The following SLC4A4 variants were observed in gnomAD, a reference collection of about 807,000 sequenced individuals.
SLC4A4 encodes electrogenic sodium bicarbonate cotransporter 1.
Under a neutral mutation model 111.5 loss-of-function variants are expected in SLC4A4, and 27 were observed. The ratio of observed to expected loss-of-function variants is 0.24; its 90% confidence interval spans 0.18 to 0.33. The LOEUF (loss-of-function observed/expected upper bound fraction) is 0.33. Among genes scored for constraint, SLC4A4 ranks in the 10% least tolerant of loss-of-function variants. The pLI is 1.00. For synonymous variants in SLC4A4, 443 were observed against 463.4 expected (o/e 0.96, Z 0.57); for missense variants, 909 against 1,315.5 (o/e 0.69, Z 4.78).
intron 6 of SLC4A4, among the ~76,000 whole-genome samples, chr4:71,372,235 T>A (rs1731960506): frequency 6.6e-6 from 1 of 152,250 alleles, no homozygotes; most frequent in South Asian, 2.1e-4. Flanking sequence ...ATTGTGTGCT[T>A]CTTATCTTCA....
intron 2 of SLC4A4, among the ~76,000 whole-genome samples, chr4:71,124,489 C>T (rs889237123): frequency 6.6e-6 from 1 of 152,142 alleles, no homozygotes; most frequent in Admixed American, 6.5e-5. Flanking sequence ...CTTCTAAAAC[C>T]TAAATGGTAA....
chr4:71,570,230 CTCATCATTTCAGCCTCTGAGTAGAGG>C lies in SLC4A4; in HGVS notation c.*2481_*2506del, dbSNP rs1737841696. 1 of 48,934 alleles carries C rather than the reference CTCATCATTTCAGCCTCTGAGTAGAGG, an allele frequency of 2.0e-5. No individual in the cohort carries two copies. Among genetic ancestry groups the C allele is most frequent in the Non-Finnish European group, 6.6e-5 (1 of 15,220 alleles). The allele number at this position is 48,934 out of a possible 1,614,324, so 3.0% of individuals were successfully genotyped here. On this transcript the variant is annotated 3_prime_UTR_variant, in exon 26 of 26. Coordinates refer to ENST00000264485, the MANE Select transcript of SLC4A4 (RefSeq NM_001098484.3). Reference sequence around the variant, plus strand: ...TCAAAGAACTCCTGAAGCAACTTAACTCATCATTTCAGCCTCTGAGTAGAGGTAAAACCTATGTGTACTTCTGTTTA... The same window carrying C: ...TCAAAGAACTCCTGAAGCAACTTAACTAAAACCTATGTGTACTTCTGTTTA...
intron 6 of SLC4A4, among the ~76,000 whole-genome samples, chr4:71,359,864 G>T (rs144229814): frequency 7.2e-5 from 11 of 152,208 alleles, no homozygotes; most frequent in African/African-American, 2.6e-4. Flanking sequence ...CTACAAAATA[G>T]ATTCAGTGAC....
chr4:71,536,684 C>T (rs1006118909), intron 18 of SLC4A4, among the ~76,000 whole-genome samples: 1 of 149,400 alleles, frequency 6.7e-6, no homozygotes, highest in African/African-American at 2.5e-5. Context: ...TTAGTAGAGA[C>T]GGGTTTTTGC....
At chr4:71,168,630 G>A (rs1344457565) in intron 2 of SLC4A4, among the ~76,000 whole-genome samples, 1 of 138,416 alleles carries the variant, frequency 7.2e-6, no homozygotes, top group East Asian at 2.1e-4. Context: ...TTCATCCTCT[G>A]GTAACCATCC....
intron 7 of SLC4A4, among the ~76,000 whole-genome samples, chr4:71,439,068 T>A (rs1027825780): frequency 1.8e-4 from 27 of 151,868 alleles, no homozygotes; most frequent in Non-Finnish European, 3.1e-4. Flanking sequence ...ATTTCTCAGC[T>A]TTTTTTGATA....
chr4:71,122,854 A>C (rs1388935245), intron 2 of SLC4A4, among the ~76,000 whole-genome samples: 1 of 152,154 alleles, frequency 6.6e-6, no homozygotes, highest in East Asian at 1.9e-4. Flanking sequence ...TGTCTGCCTC[A>C]TGTCAATATG....
intron 13 of SLC4A4, among the ~76,000 whole-genome samples, chr4:71,469,467 G>T (rs141988835): frequency 6.6e-6 from 1 of 151,778 alleles, no homozygotes; most frequent in Non-Finnish European, 1.5e-5. Context: ...TGTATCCTTG[G>T]TTTTATGCTA....
chr4:71,370,780 C>A (rs1454246930), intron 6 of SLC4A4, among the ~76,000 whole-genome samples: 1 of 152,144 alleles, frequency 6.6e-6, no homozygotes, highest in Non-Finnish European at 1.5e-5. Context: ...CCATGTCAGA[C>A]ATCCAGACAT....
intron 16 of SLC4A4, among the ~76,000 whole-genome samples, chr4:71,513,864 G>C (rs1219591991): frequency 6.6e-6 from 1 of 152,058 alleles, no homozygotes; most frequent in African/African-American, 2.4e-5. Context: ...TTATCATATT[G>C]TTTTTCTGCA....
chr4:71,066,632 C>A (rs1158816818), intron 1 of SLC4A4, among the ~76,000 whole-genome samples: 1 of 152,124 alleles, frequency 6.6e-6, no homozygotes, highest in African/African-American at 2.4e-5. Flanking sequence ...TGAGAAAAGA[C>A]AAATTAATCA....
rs552386605 is a variant in SLC4A4 at position 71,461,059 on chromosome 4, A to T, written c.1498-5385A>T. Among the ~76,000 whole-genome samples, 3 of 152,198 alleles carry T rather than the reference A, an allele frequency of 2.0e-5. No homozygotes were observed. In the East Asian group the frequency reaches 5.8e-4, roughly 29 times the overall value. On this transcript the variant is annotated intron_variant, in intron 12 of 25. Coordinates refer to ENST00000264485, the MANE Select transcript of SLC4A4 (RefSeq NM_001098484.3). ...TCCAGTGACATTGGGCTACCTCATA[A>T]TTCTTGACTAAACTTTAGTTTCAAA... is the stretch of plus-strand genomic sequence containing the variant.
At chr4:71,534,458 T>TA in intron 18 of SLC4A4, 70 bp downstream of exon 18, 6 of 1,481,926 alleles carry the variant, frequency 4.0e-6, no homozygotes, top group Non-Finnish European at 5.6e-6. Flanking sequence ...ACTAATTGAT[T>TA]AAAAACCAAG....
chr4:71,492,646 T>A (rs879267259), intron 15 of SLC4A4, among the ~76,000 whole-genome samples: 1 of 152,014 alleles, frequency 6.6e-6, no homozygotes, highest in Non-Finnish European at 1.5e-5. Context: ...TCAGCATCTT[T>A]GCTCTTGATG....
At chr4:71,470,675 G>T (rs1727786769) in intron 13 of SLC4A4, among the ~76,000 whole-genome samples, 1 of 152,038 alleles carries the variant, frequency 6.6e-6, no homozygotes, top group Admixed American at 6.6e-5. Flanking sequence ...GTGAGTGTGT[G>T]TGCAGATTTA....
At chr4:71,480,632 T>C (rs1728788871) in intron 14 of SLC4A4, among the ~76,000 whole-genome samples, 3 of 151,826 alleles carry the variant, frequency 2.0e-5, no homozygotes, top group Admixed American at 1.3e-4. Context: ...AGAGCTTATT[T>C]AATTTTATCC....
At chr4:71,262,731 CCTT>C (rs1191484967) in intron 3 of SLC4A4, among the ~76,000 whole-genome samples, 1 of 152,012 alleles carries the variant, frequency 6.6e-6, no homozygotes, top group African/African-American at 2.4e-5. Flanking sequence ...TATAGTCTCT[CCTT>C]AATTAAATAA....
chr4:71,102,886 C>G (rs1317661635), intron 2 of SLC4A4, among the ~76,000 whole-genome samples: 2 of 151,458 alleles, frequency 1.3e-5, no homozygotes. Context: ...AACCAGCTAA[C>G]ATCATAATGA....
chr4:71,178,758 C>T (rs888782053), intron 2 of SLC4A4, among the ~76,000 whole-genome samples: 14 of 152,142 alleles, frequency 9.2e-5, no homozygotes, highest in Admixed American at 7.2e-4. Context: ...GATTCACAGC[C>T]AAATTCTACC....
Sources: gnomAD v4.1 joint callset for allele counts (sites outside exome capture counted in the v4.1 genomes callset) on GRCh38, gnomAD v4.1.1 for gene constraint, MANE v1.5 for transcripts, NCBI Gene and HGNC (gene_info 2026-07-23, HGNC 2026-07-21) for gene names.